Variants in FUBP3 observed in about 807,000 individuals in gnomAD.
FUBP3 encodes the protein far upstream element binding protein 3.
Under a neutral mutation model 85.6 loss-of-function variants are expected in FUBP3, and 28 were observed. The observed-to-expected ratio is 0.33, with a 90% CI of 0.24 to 0.45. FUBP3 has a LOEUF of 0.45. FUBP3 is among the 20% of genes least tolerant of loss of function. The pLI is 1.00. For missense variants in FUBP3, 583 were observed against 755.1 expected (o/e 0.77, Z 2.67); for synonymous variants, 271 against 271.4 (o/e 1.00, Z 0.01).
intron 1 of FUBP3, among the ~76,000 whole-genome samples, chr9:130,592,854 T>G (rs1346450784): frequency 6.6e-6 from 1 of 152,162 alleles, no homozygotes; most frequent in Non-Finnish European, 1.5e-5. Context: ...CTGGGGTGTT[T>G]TAGAAGCAGA....
At chr9:130,632,885 T>C (rs948570951) in intron 16 of FUBP3, among the ~76,000 whole-genome samples, 12 of 152,266 alleles carry the variant, frequency 7.9e-5, no homozygotes, top group African/African-American at 2.2e-4. Context: ...GTCTAGCCCC[T>C]CTGGCATGGC....
intron 6 of FUBP3, among the ~76,000 whole-genome samples, chr9:130,615,322 G>A (rs1831946804): frequency 1.3e-5 from 2 of 152,160 alleles, no homozygotes; most frequent in African/African-American, 4.8e-5. Flanking sequence ...ACTACAAAAG[G>A]CAACATCTAT....
intron 1 of FUBP3, among the ~76,000 whole-genome samples, chr9:130,588,683 A>G (rs1177787413): frequency 1.3e-5 from 2 of 152,232 alleles, no homozygotes; most frequent in African/African-American, 2.4e-5. Context: ...TTAGAAGGTC[A>G]CTGTGACAAT....
At chr9:130,604,079 T>C (rs1449492290) in intron 2 of FUBP3, among the ~76,000 whole-genome samples, 2 of 152,140 alleles carry the variant, frequency 1.3e-5, no homozygotes, top group Non-Finnish European at 2.9e-5. Flanking sequence ...GCTGAGTACA[T>C]CCAGCAACTT....
At position 130,612,232 on chromosome 9, in the gene FUBP3, C is replaced by G. The variant is rs925104641; in HGVS notation, c.225-224C>G. On this transcript the variant is annotated intron_variant, in intron 3 of 18. Transcript: ENST00000319725. The surrounding 1 kb of genome is among the most constrained non-coding windows in gnomAD (Gnocchi z 4.1). ...CATGAAAACCCTGAGGTTTCTTCCT[C>G]TGACAAAAGGAGATGAAAGGCTTAG... Among the ~76,000 whole-genome samples the G allele has an allele frequency of 6.6e-6, 1 of 152,158 alleles. No homozygotes were observed. Among genetic ancestry groups the G allele is most frequent in the African/African-American group, 2.4e-5 (1 of 41,426 alleles).
intron 2 of FUBP3, among the ~76,000 whole-genome samples, chr9:130,607,973 T>C (rs12115642): frequency 0.041 from 6,243 of 152,332 alleles, 451 homozygotes; most frequent in African/African-American, 0.14. Flanking sequence ...TGGTGTCATG[T>C]GCGTGGCACC....
chr9:130,620,802 A>G (rs573259518), intron 9 of FUBP3, among the ~76,000 whole-genome samples: 2 of 152,344 alleles, frequency 1.3e-5, no homozygotes, highest in Admixed American at 1.3e-4. Flanking sequence ...TGAGGTTGCA[A>G]TGGGGTCAGA....
At chr9:130,608,698 C>A (rs955959279) in intron 2 of FUBP3, among the ~76,000 whole-genome samples, 1 of 152,178 alleles carries the variant, frequency 6.6e-6, no homozygotes, top group South Asian at 2.1e-4. Flanking sequence ...TGTCTAGTGT[C>A]AATATTTTGG....
intron 2 of FUBP3, among the ~76,000 whole-genome samples, chr9:130,599,465 G>GAT (rs1564197953): frequency 1.3e-5 from 2 of 151,794 alleles, no homozygotes; most frequent in Non-Finnish European, 2.9e-5. Flanking sequence ...TATAGAAAGG[G>GAT]ATTTGGGTTA....
At chr9:130,614,396 A>G (rs753006097) in intron 6 of FUBP3, 51 bp downstream of exon 6, 35 of 1,100,682 alleles carry the variant, frequency 3.2e-5, no homozygotes, top group Non-Finnish European at 4.0e-5. Context: ...TCCTTCCCCA[A>G]ATGGGGAGAA....
At chr9:130,597,533 T>A (rs73656448) in intron 2 of FUBP3, among the ~76,000 whole-genome samples, 2,557 of 152,330 alleles carry the variant, frequency 0.017, 83 homozygotes, top group African/African-American at 0.058. Flanking sequence ...AGCAAGACTG[T>A]GAGCCTAGAA....
At chr9:130,630,483 A>T (rs1392028850) in intron 12 of FUBP3, 145 bp from the exon 13 acceptor site, 3 of 538,580 alleles carry the variant, frequency 5.6e-6, no homozygotes. Context: ...ACTTTGGAGT[A>T]AATAGAGACA....
chr9:130,630,851 G>A, intron 13 of FUBP3, 63 bp downstream of exon 13: 2 of 1,255,324 alleles, frequency 1.6e-6, no homozygotes, highest in East Asian at 2.9e-5. Context: ...GATGTCCAAG[G>A]TACCAGCTTT....
At position 130,635,074 on chromosome 9, in the gene FUBP3, G is replaced by C. The variant is rs919065556; in HGVS notation, c.1582+336G>C. On this transcript the variant is annotated intron_variant, in intron 17 of 18. Coordinates refer to ENST00000319725, the MANE Select transcript of FUBP3 (RefSeq NM_003934.2). This position sits in a 1 kb window ranked among gnomAD's most constrained non-coding sequence, Gnocchi z 4.3. ...TCTCCTTAGGGACTGAAAGATTCCGGCTGGGTGCCACCTGGCCGGCAAACA... is the reference window on the plus strand; with the variant it reads ...TCTCCTTAGGGACTGAAAGATTCCGCCTGGGTGCCACCTGGCCGGCAAACA... Among the ~76,000 whole-genome samples, 3 of 152,162 alleles carry C rather than the reference G, an allele frequency of 2.0e-5. No individual in the cohort carries two copies. Among genetic ancestry groups the C allele is most frequent in the African/African-American group, 4.8e-5 (2 of 41,434 alleles).
Position 130,632,293 on chromosome 9 carries a change from G to A in FUBP3, c.1510+15G>A. On this transcript the variant is annotated intron_variant, in intron 16 of 18. Transcript: ENST00000319725. ...GCAGGTCCCAAGTAAGTGACTCGGGGCGGGGAGTGCATGCCCTCCAGAAAG... is the reference window on the plus strand; with the variant it reads ...GCAGGTCCCAAGTAAGTGACTCGGGACGGGGAGTGCATGCCCTCCAGAAAG... 1 of 1,596,482 alleles carries A rather than the reference G, an allele frequency of 6.3e-7. No homozygotes were observed. The highest frequency in any genetic ancestry group is 8.6e-7 in the Non-Finnish European group (1 of 1,165,650).
At chr9:130,611,837 A>G (rs1381114656) in intron 3 of FUBP3, among the ~76,000 whole-genome samples, 1 of 151,900 alleles carries the variant, frequency 6.6e-6, no homozygotes, top group Non-Finnish European at 1.5e-5. Context: ...TGGATGGGAT[A>G]GCATTTAACA....
At position 130,616,264 on chromosome 9, in the gene FUBP3, C is replaced by T. The variant is rs1832003597; in HGVS notation, c.405-91C>T. 8.0e-7 allele frequency: 1 copy of T among 1,257,144 alleles called. No individual in the cohort carries two copies. The highest frequency in any genetic ancestry group is 1.1e-6 in the Non-Finnish European group (1 of 881,948). The allele number at this position is 1,257,144 out of a possible 1,614,324, so 77.9% of individuals were successfully genotyped here. ...GGATGGAGGGCTGCCCTGACTCCCG[C>T]AGGTTTTTCCCTCAGTGCTATTTCC... On this transcript the variant is annotated intron_variant, in intron 6 of 18. Transcript: ENST00000319725. The surrounding 1 kb of genome is among the most constrained non-coding windows in gnomAD (Gnocchi z 4.7).
At chr9:130,632,063 T>C (rs748668811) in intron 15 of FUBP3, 41 bp downstream of exon 15, 3 of 1,517,036 alleles carry the variant, frequency 2.0e-6, no homozygotes, top group South Asian at 1.1e-5. Flanking sequence ...CAGACGGCAC[T>C]AAGGTGGTCA....
intron 17 of FUBP3, among the ~76,000 whole-genome samples, chr9:130,634,983 G>A (rs999079684): frequency 2.0e-5 from 3 of 152,240 alleles, no homozygotes; most frequent in East Asian, 1.9e-4. Flanking sequence ...TATTCTCCCC[G>A]TGCTGGGCTC....
Sources: gnomAD v4.1 joint callset for allele counts (sites outside exome capture counted in the v4.1 genomes callset) on GRCh38, gnomAD v4.1.1 for gene constraint, Gnocchi (gnomAD v3.1) non-coding constraint, MANE v1.5 for transcripts, NCBI Gene and HGNC (gene_info 2026-07-23, HGNC 2026-07-21) for gene names.